The following PTPRM variants were observed in gnomAD, a reference collection of about 807,000 sequenced individuals.
PTPRM encodes the protein receptor-type tyrosine-protein phosphatase mu.
Under a neutral mutation model 186.7 loss-of-function variants are expected in PTPRM, and 47 were observed. The ratio of observed to expected loss-of-function variants is 0.25; its 90% CI spans 0.20 to 0.32. PTPRM has a LOEUF of 0.32. PTPRM is among the 10% of genes least tolerant of loss of function. The pLI is 1.00. For synonymous variants in PTPRM, 668 were observed against 674.9 expected, an observed-to-expected ratio of 0.99 and a Z score of 0.16; for missense variants, 1,494 against 1,865.0, an observed-to-expected ratio of 0.80 and a Z score of 3.66.
At chr18:7,788,021 G>A (rs2145170398) in intron 2 of PTPRM, among the ~76,000 whole-genome samples, 1 of 152,210 alleles carries the variant, frequency 6.6e-6, no homozygotes, top group East Asian at 1.9e-4. Flanking sequence ...AGGGTCTCAG[G>A]GATTTCAGGG....
intron 3 of PTPRM, among the ~76,000 whole-genome samples, chr18:7,893,619 C>T (rs1160405071): frequency 6.6e-6 from 1 of 152,242 alleles, no homozygotes; most frequent in East Asian, 1.9e-4. Context: ...TGAAAACCCA[C>T]TTGTTTGTTT....
chr18:7,780,833 G>A (rs2042820586), intron 2 of PTPRM, among the ~76,000 whole-genome samples: 2 of 152,148 alleles, frequency 1.3e-5, no homozygotes, highest in Admixed American at 6.5e-5. Flanking sequence ...GCATCTTTCA[G>A]TAAAGACCTA....
chr18:7,864,558 A>G (rs1194273031), intron 2 of PTPRM, among the ~76,000 whole-genome samples: 1 of 151,944 alleles, frequency 6.6e-6, no homozygotes, highest in Non-Finnish European at 1.5e-5. Flanking sequence ...TAGTCTATAT[A>G]TCTGTTTTGG....
intron 4 of PTPRM, among the ~76,000 whole-genome samples, chr18:7,923,502 A>T (rs933881134): frequency 1.3e-5 from 2 of 152,218 alleles, no homozygotes; most frequent in Non-Finnish European, 2.9e-5. Context: ...AGATTAACTG[A>T]CAAGAGACAG....
chr18:8,078,075 T>C (rs1263371711), intron 9 of PTPRM, among the ~76,000 whole-genome samples: 1 of 152,224 alleles, frequency 6.6e-6, no homozygotes, highest in African/African-American at 2.4e-5. Flanking sequence ...TGGTTCAGTT[T>C]TGTAGGGACC....
At chr18:8,333,843 G>T (rs1205137044) in intron 22 of PTPRM, among the ~76,000 whole-genome samples, 1 of 152,076 alleles carries the variant, frequency 6.6e-6, no homozygotes, top group Non-Finnish European at 1.5e-5. Flanking sequence ...CTGCCATTCA[G>T]TGTGTACCCC....
intron 19 of PTPRM, among the ~76,000 whole-genome samples, chr18:8,262,602 C>T (rs1286644201): frequency 6.6e-6 from 1 of 152,170 alleles, no homozygotes; most frequent in African/African-American, 2.4e-5. Context: ...GGACACAGCT[C>T]AGATGTGACT....
intron 2 of PTPRM, among the ~76,000 whole-genome samples, chr18:7,845,410 C>T (rs1364507092): frequency 6.6e-6 from 1 of 152,042 alleles, no homozygotes; most frequent in Non-Finnish European, 1.5e-5. Context: ...CTTGTGTGTT[C>T]AGTCACTTTT....
chr18:7,770,007 T>C (rs536495877), intron 1 of PTPRM, among the ~76,000 whole-genome samples: 2 of 152,106 alleles, frequency 1.3e-5, no homozygotes, highest in Non-Finnish European at 2.9e-5. Flanking sequence ...TAGTCGTGAT[T>C]CCCCCCTGTG....
At chr18:7,744,630 A>G (rs1384949644) in intron 1 of PTPRM, among the ~76,000 whole-genome samples, 1 of 152,116 alleles carries the variant, frequency 6.6e-6, no homozygotes, top group African/African-American at 2.4e-5. Flanking sequence ...TAATAAATAC[A>G]TATGTATTGA....
intron 14 of PTPRM, among the ~76,000 whole-genome samples, chr18:8,214,274 A>G (rs113984091): frequency 0.011 from 1,555 of 139,212 alleles, 23 homozygotes; most frequent in African/African-American, 0.038. Flanking sequence ...CAAGAAATTG[A>G]AACTTAAATT....
At chr18:7,724,305 A>T (rs1001907752) in intron 1 of PTPRM, among the ~76,000 whole-genome samples, 4 of 152,170 alleles carry the variant, frequency 2.6e-5, no homozygotes, top group African/African-American at 9.7e-5. Context: ...GACAATCATG[A>T]TCGTTTCTGT....
chr18:8,087,193 A>G (rs1251543342), intron 10 of PTPRM, among the ~76,000 whole-genome samples: 1 of 152,146 alleles, frequency 6.6e-6, no homozygotes, highest in Non-Finnish European at 1.5e-5. Context: ...ATAAGTGCCA[A>G]TATATATACC....
intron 1 of PTPRM, among the ~76,000 whole-genome samples, chr18:7,667,256 G>A (rs569294645): frequency 5.9e-5 from 9 of 152,276 alleles, no homozygotes; most frequent in South Asian, 4.1e-4. Context: ...GGAAAAATGC[G>A]GAGGACCACT....
intron 1 of PTPRM, among the ~76,000 whole-genome samples, chr18:7,603,818 C>A (rs150641966): frequency 6.6e-6 from 1 of 152,348 alleles, no homozygotes; most frequent in East Asian, 1.9e-4. Context: ...TTGATCCCTG[C>A]TGCTGTGTGG....
intron 1 of PTPRM, among the ~76,000 whole-genome samples, chr18:7,589,814 C>T (rs995111172): frequency 1.4e-4 from 21 of 152,124 alleles, no homozygotes; most frequent in Non-Finnish European, 2.9e-4. Flanking sequence ...CATTAGTTTC[C>T]CATGCTGTAA....
intron 1 of PTPRM, among the ~76,000 whole-genome samples, chr18:7,683,444 A>G (rs1009538723): frequency 6.6e-6 from 1 of 152,128 alleles, no homozygotes; most frequent in African/African-American, 2.4e-5. Flanking sequence ...AAGCACTGGG[A>G]TTATAGGCGT....
At chr18:7,669,636 G>A (rs1444127583) in intron 1 of PTPRM, among the ~76,000 whole-genome samples, 1 of 152,226 alleles carries the variant, frequency 6.6e-6, no homozygotes, top group Non-Finnish European at 1.5e-5. Context: ...TTTTGTTTCA[G>A]TAAACTTCCT....
intron 1 of PTPRM, among the ~76,000 whole-genome samples, chr18:7,655,450 T>A (rs1249799978): frequency 6.6e-6 from 1 of 152,212 alleles, no homozygotes; most frequent in Non-Finnish European, 1.5e-5. Flanking sequence ...CATTCATTGC[T>A]GGTGGGAATG....
Sources: gnomAD v4.1 joint callset for allele counts (sites outside exome capture counted in the v4.1 genomes callset) on GRCh38, gnomAD v4.1.1 for gene constraint, MANE v1.5 for transcripts, NCBI Gene and HGNC (gene_info 2026-07-23, HGNC 2026-07-21) for gene names.